GLCE: variants seen among roughly 807,000 people sequenced by gnomAD.
GLCE encodes the protein glucuronic acid epimerase.
GLCE carries 19 observed loss-of-function variants against 47.9 expected under a neutral mutation model. The observed-to-expected ratio is 0.40, with a 90% confidence interval of 0.28 to 0.58. The LOEUF (loss-of-function observed/expected upper bound fraction) is 0.58. Ranked by LOEUF, GLCE falls within the 20% of genes least tolerant of loss-of-function variation. The probability of loss-of-function intolerance (pLI) is 0.48; values close to 1 mark genes in which losing one functional copy is unlikely to be tolerated. For synonymous variants in GLCE, 245 were observed against 263.4 expected (o/e 0.93, Z 0.68); for missense variants, 556 against 743.3 (o/e 0.75, Z 2.93).
At chr15:69,242,721 T>G (rs1413951587) in intron 2 of GLCE, among the ~76,000 whole-genome samples, 2 of 152,010 alleles carry the variant, frequency 1.3e-5, no homozygotes, top group Non-Finnish European at 2.9e-5. Context: ...ATCATATTAT[T>G]CTTTCTGCCT....
Position 69,269,032 on chromosome 15 carries a change from A to G in GLCE, c.1642A>G (p.Met548Val). The change falls in exon 5 of 5, where the codon ATG (methionine) becomes GTG (valine). Residue 548 changes from methionine to valine, a missense_variant. Transcript: ENST00000261858. ...YERGMESLKA[M>V]LPLYDTGSGT... Reference sequence around the variant, plus strand: ...GCGTGGCATGGAATCTCTTAAAGCCATGCTGCCCTTGTATGACACTGGCTC... The same window carrying G: ...GCGTGGCATGGAATCTCTTAAAGCCGTGCTGCCCTTGTATGACACTGGCTC... 1 of 1,614,206 alleles carries G rather than the reference A, an allele frequency of 6.2e-7. No individual in the cohort carries two copies. Among genetic ancestry groups the G allele is most frequent in the Admixed American group, 1.7e-5 (1 of 60,032 alleles).
At chr15:69,162,598 C>A (rs1198107113) in intron 1 of GLCE, among the ~76,000 whole-genome samples, 1 of 151,750 alleles carries the variant, frequency 6.6e-6, no homozygotes, top group Non-Finnish European at 1.5e-5. Flanking sequence ...ATTCCGCCTT[C>A]CAGGCTAGGT....
At chr15:69,191,006 A>C (rs757749720) in intron 1 of GLCE, among the ~76,000 whole-genome samples, 1 of 152,166 alleles carries the variant, frequency 6.6e-6, no homozygotes, top group Non-Finnish European at 1.5e-5. Flanking sequence ...ACATTATATT[A>C]TACAACTTCT....
At chr15:69,165,606 C>A (rs1227878914) in intron 1 of GLCE, among the ~76,000 whole-genome samples, 1 of 150,912 alleles carries the variant, frequency 6.6e-6, no homozygotes, top group Non-Finnish European at 1.5e-5. Context: ...TTCCCTCTTC[C>A]CAACCCTAGG....
At chr15:69,229,714 A>G (rs2052495412) in intron 2 of GLCE, among the ~76,000 whole-genome samples, 1 of 152,086 alleles carries the variant, frequency 6.6e-6, no homozygotes, top group Non-Finnish European at 1.5e-5. Flanking sequence ...AATGACAAAA[A>G]GAAAAAAAAA....
chr15:69,166,653 C>T (rs1161933075), intron 1 of GLCE, among the ~76,000 whole-genome samples: 2 of 152,184 alleles, frequency 1.3e-5, no homozygotes, highest in Non-Finnish European at 2.9e-5. Flanking sequence ...GGCGCGGTGG[C>T]TTACGCCTCT....
intron 2 of GLCE, among the ~76,000 whole-genome samples, chr15:69,224,718 G>A (rs2052422279): frequency 6.6e-6 from 1 of 152,244 alleles, no homozygotes; most frequent in Admixed American, 6.5e-5. Flanking sequence ...CAGGGAGCTA[G>A]GAGTGGAGGA....
chr15:69,212,339 G>T (rs1310554474), intron 2 of GLCE, among the ~76,000 whole-genome samples: 1 of 151,702 alleles, frequency 6.6e-6, no homozygotes, highest in East Asian at 1.9e-4. Flanking sequence ...TGTTCTAGTT[G>T]TGGTACTTAA....
intron 1 of GLCE, among the ~76,000 whole-genome samples, chr15:69,206,184 T>G (rs2052149545): frequency 6.6e-6 from 1 of 152,056 alleles, no homozygotes; most frequent in South Asian, 2.1e-4. Context: ...TCAGATATTT[T>G]GCAGAGTGTC....
intron 1 of GLCE, among the ~76,000 whole-genome samples, chr15:69,189,998 A>C (rs2140351282): frequency 6.6e-6 from 1 of 152,162 alleles, no homozygotes; most frequent in South Asian, 2.1e-4. Flanking sequence ...AGTAGGCCCC[A>C]ACTAATTTCC....
Position 69,268,430 on chromosome 15 carries a change from G to A in GLCE, c.1040G>A (p.Trp347Ter). Residue 347 changes from tryptophan to a stop codon, truncating the protein, a stop_gained, in exon 5 of 5, where the codon TGG becomes TAG. Transcript: ENST00000261858. LOFTEE classifies it high-confidence loss of function. ...TATGGCATTGGGCCCAGAACTTCAT[G>A]GAGCACAGTTACCAGGGACCTGGTC... ...IYYGIGPRTS[W>*]STVTRDLVTD... 1 of 1,613,976 alleles carries A rather than the reference G, an allele frequency of 6.2e-7. No homozygotes were observed. Among genetic ancestry groups the A allele is most frequent in the Non-Finnish European group, 8.5e-7 (1 of 1,179,874 alleles).
At chr15:69,166,176 A>G (rs986667877) in intron 1 of GLCE, among the ~76,000 whole-genome samples, 2 of 152,214 alleles carry the variant, frequency 1.3e-5, no homozygotes, top group African/African-American at 4.8e-5. Flanking sequence ...AGGTTTTTAT[A>G]TAGGCTTTAA....
intron 2 of GLCE, among the ~76,000 whole-genome samples, chr15:69,225,173 T>G (rs1447755587): frequency 2.5e-5 from 1 of 39,494 alleles, no homozygotes; most frequent in East Asian, 1.2e-3. Context: ...ATTTTAAAGC[T>G]TTTTTTTTTT....
At chr15:69,162,527 T>C (rs1216489210) in intron 1 of GLCE, among the ~76,000 whole-genome samples, 2 of 152,048 alleles carry the variant, frequency 1.3e-5, no homozygotes, top group African/African-American at 4.8e-5. Context: ...TTAGTCTTTT[T>C]CTTCGTGTCA....
At chr15:69,168,772 TC>T (rs1451400255) in intron 1 of GLCE, among the ~76,000 whole-genome samples, 1 of 152,156 alleles carries the variant, frequency 6.6e-6, no homozygotes, top group Non-Finnish European at 1.5e-5. Flanking sequence ...CCTCAGGTGA[TC>T]CGCCTACCTC....
intron 2 of GLCE, among the ~76,000 whole-genome samples, chr15:69,254,094 G>A (rs1437989417): frequency 6.6e-6 from 1 of 152,076 alleles, no homozygotes; most frequent in African/African-American, 2.4e-5. Flanking sequence ...TATCATTGCT[G>A]CCAAAAGGGT....
chr15:69,181,293 G>A (rs1361174345), intron 1 of GLCE, among the ~76,000 whole-genome samples: 1 of 152,160 alleles, frequency 6.6e-6, no homozygotes, highest in African/African-American at 2.4e-5. Context: ...GTTTAAGTTT[G>A]GGAATTATGT....
chr15:69,232,626 G>A (rs544422743), intron 2 of GLCE, among the ~76,000 whole-genome samples: 2 of 152,206 alleles, frequency 1.3e-5, no homozygotes, highest in South Asian at 2.1e-4. Flanking sequence ...TTGTTACAGA[G>A]CTTGGAACCA....
chr15:69,266,294 C>T (rs2053085079), intron 4 of GLCE, among the ~76,000 whole-genome samples: 1 of 152,152 alleles, frequency 6.6e-6, no homozygotes, highest in African/African-American at 2.4e-5. Context: ...TGACACCCTC[C>T]AAGTATACAC....
Sources: allele counts gnomAD v4.1 joint callset (sites outside exome capture counted in the v4.1 genomes callset), GRCh38; gene constraint gnomAD v4.1.1; transcripts MANE v1.5; gene names NCBI Gene and HGNC (gene_info 2026-07-23, HGNC 2026-07-21).